CCDC192: variants seen among roughly 807,000 people sequenced by gnomAD.
CCDC192 encodes the protein coiled-coil domain containing 192, also known as coiled-coil domain-containing protein 192.
At chr5:127,938,324 T>C (rs1159896048) in intron 6 of CCDC192, among the ~76,000 whole-genome samples, 1 of 152,216 alleles carries the variant, frequency 6.6e-6, no homozygotes, top group Admixed American at 6.5e-5. Context: ...TCATCACTTT[T>C]TGCCAAACTT....
In CCDC192 at chr5:127,746,486, C is replaced by G. The variant is rs115330607; in HGVS notation, c.115-7782C>G. On this transcript the variant is annotated intron_variant, in intron 2 of 6. Transcript: ENST00000514853. ...GAAAATTTTCCCTGGAAATAGCAGT[C>G]TAGATCAGAGATTCTCAATCTTTTA... Among the ~76,000 whole-genome samples, 396 of 152,284 alleles carry G rather than the reference C, an allele frequency of 2.6e-3. 2 individuals are homozygous for G. Among genetic ancestry groups the G allele is most frequent in the African/African-American group, 9.1e-3 (379 of 41,544 alleles).
chr5:127,724,485 G>T (rs772908374), intron 2 of CCDC192, among the ~76,000 whole-genome samples: 1 of 152,034 alleles, frequency 6.6e-6, no homozygotes, highest in Non-Finnish European at 1.5e-5. Context: ...CATAGTACTT[G>T]CTTTGTGATC....
In CCDC192 at chr5:127,847,484, T is replaced by C. The variant is rs114321687; in HGVS notation, c.412-28054T>C. Among the ~76,000 whole-genome samples the C allele has an allele frequency of 5.0e-3, 760 of 152,308 alleles. 4 individuals carry two copies. Among genetic ancestry groups the C allele is most frequent in the African/African-American group, 0.018 (732 of 41,558 alleles). On this transcript the variant is annotated intron_variant, in intron 5 of 6. Coordinates refer to ENST00000514853, the MANE Select transcript of CCDC192 (RefSeq NM_001317938.2). Reference sequence around the variant, plus strand: ...ATGTTTAAACCCAGTATGTCCATATTTAATGGACATAAAATATAAACAGAT... The same window carrying C: ...ATGTTTAAACCCAGTATGTCCATATCTAATGGACATAAAATATAAACAGAT...
At chr5:127,891,091 G>A (rs1752718753) in intron 6 of CCDC192, among the ~76,000 whole-genome samples, 2 of 152,032 alleles carry the variant, frequency 1.3e-5, no homozygotes, top group African/African-American at 4.8e-5. Context: ...TTGCTCTGTC[G>A]CCCAGGCTGG....
At chr5:127,936,791 C>T (rs11738398) in intron 6 of CCDC192, among the ~76,000 whole-genome samples, 109,493 of 152,114 alleles carry the variant, frequency 0.72, 41,670 homozygotes, top group East Asian at 0.96. Flanking sequence ...AACAGCACCT[C>T]CAGGCTTCCG....
intron 5 of CCDC192, among the ~76,000 whole-genome samples, chr5:127,875,202 T>G (rs1246809265): frequency 6.6e-6 from 1 of 152,212 alleles, no homozygotes; most frequent in Non-Finnish European, 1.5e-5. Flanking sequence ...CTAGTAGGCA[T>G]TAGTACCTCG....
chr5:127,794,792 G>T (rs986002420), intron 3 of CCDC192, among the ~76,000 whole-genome samples: 1 of 152,040 alleles, frequency 6.6e-6, no homozygotes, highest in Non-Finnish European at 1.5e-5. Context: ...GGTAACGATG[G>T]ATCACATAAC....
rs140554708 is a variant in CCDC192 at position 127,795,191 on chromosome 5, G to T, written c.223-1912G>T. Among the ~76,000 whole-genome samples, 794 of 151,238 alleles carry T rather than the reference G, an allele frequency of 5.3e-3. 5 individuals are homozygous for T. The highest frequency in any genetic ancestry group is 0.018 in the African/African-American group (760 of 41,192). ...TGTAGTCCCACTTACTCAGGAGACT[G>T]AGGTGGGAGGACCCCTTAAGCCCCA... On this transcript the variant is annotated intron_variant, in intron 3 of 6. Coordinates refer to ENST00000514853, the MANE Select transcript of CCDC192 (RefSeq NM_001317938.2).
rs60444510 is a variant in CCDC192 at position 127,719,834 on chromosome 5, C to CGG, written c.114+12078_114+12079dup. On this transcript the variant is annotated intron_variant, in intron 2 of 6. Coordinates refer to ENST00000514853, the MANE Select transcript of CCDC192 (RefSeq NM_001317938.2). ...CGCATGGCCAGATCAGAGGAAGGGGCGGGGGAGGTGACACATGCTTTTTAA... is the reference window on the plus strand; with the variant it reads ...CGCATGGCCAGATCAGAGGAAGGGGCGGGGGGGAGGTGACACATGCTTTTTAA... Among the ~76,000 whole-genome samples the CGG allele has an allele frequency of 2.2e-4, 30 of 138,822 alleles. No homozygotes were observed. In the South Asian group the frequency reaches 2.6e-3, roughly 12 times the overall value. 91.1% of individuals were successfully genotyped at this position (138,822 alleles called of 152,430 possible).
At chr5:127,888,145 G>C (rs1447503570) in intron 6 of CCDC192, among the ~76,000 whole-genome samples, 3 of 151,952 alleles carry the variant, frequency 2.0e-5, no homozygotes, top group African/African-American at 7.3e-5. Context: ...GCCGGGTGCA[G>C]TGGCTCCCGC....
intron 6 of CCDC192, among the ~76,000 whole-genome samples, chr5:127,932,937 G>C (rs1002450803): frequency 1.3e-5 from 2 of 152,200 alleles, no homozygotes; most frequent in Non-Finnish European, 2.9e-5. Flanking sequence ...GCCAGGGAAG[G>C]CTTCACTGTG....
chr5:127,896,095 T>A (rs1302651802), intron 6 of CCDC192, among the ~76,000 whole-genome samples: 1 of 152,128 alleles, frequency 6.6e-6, no homozygotes, highest in Non-Finnish European at 1.5e-5. Flanking sequence ...GGAATTTGCA[T>A]TTTTAAGTGA....
intron 5 of CCDC192, among the ~76,000 whole-genome samples, chr5:127,853,004 G>A (rs555136050): frequency 1.4e-4 from 21 of 152,188 alleles, no homozygotes; most frequent in Non-Finnish European, 5.9e-5. Context: ...GCAGGAGAAA[G>A]GTGTGAACCC....
At chr5:127,897,053 C>G (rs1053730806) in intron 6 of CCDC192, among the ~76,000 whole-genome samples, 1 of 138,362 alleles carries the variant, frequency 7.2e-6, no homozygotes, top group African/African-American at 2.8e-5. Context: ...TCTCTAATGT[C>G]TCTCTCTCTT....
intron 3 of CCDC192, among the ~76,000 whole-genome samples, chr5:127,755,636 A>G (rs1304390942): frequency 6.6e-6 from 1 of 150,542 alleles, no homozygotes; most frequent in African/African-American, 2.4e-5. Context: ...CAAAATTAAG[A>G]ATTACCAAGA....
chr5:127,822,823 G>T (rs1006909473), intron 5 of CCDC192, among the ~76,000 whole-genome samples: 2 of 152,212 alleles, frequency 1.3e-5, no homozygotes, highest in African/African-American at 4.8e-5. Context: ...GTGAAGTGCT[G>T]TTGCTGCAGG....
chr5:127,774,410 G>A (rs926397024), intron 3 of CCDC192, among the ~76,000 whole-genome samples: 1 of 152,122 alleles, frequency 6.6e-6, no homozygotes, highest in Admixed American at 6.5e-5. Context: ...CGTTGATCTA[G>A]TTTAACATCA....
chr5:127,763,126 T>C (rs115561836), intron 3 of CCDC192, among the ~76,000 whole-genome samples: 167 of 152,090 alleles, frequency 1.1e-3, no homozygotes, highest in African/African-American at 3.9e-3. Flanking sequence ...AAGTCCTCAC[T>C]ACTAGTCCAG....
At chr5:127,831,972 T>C (rs185738947) in intron 5 of CCDC192, among the ~76,000 whole-genome samples, 2 of 151,892 alleles carry the variant, frequency 1.3e-5, no homozygotes, top group East Asian at 3.9e-4. Flanking sequence ...AATAGCATAG[T>C]AAATTCAAAT....
Sources: gnomAD v4.1 joint callset for allele counts (sites outside exome capture counted in the v4.1 genomes callset) on GRCh38, gnomAD v4.1.1 for gene constraint, MANE v1.5 for transcripts, NCBI Gene and HGNC (gene_info 2026-07-23, HGNC 2026-07-21) for gene names.